AFF3: variants seen among roughly 807,000 people sequenced by gnomAD.
AFF3 encodes AF4/FMR2 family member 3.
AFF3 carries 32 observed loss-of-function variants against 129.7 expected under a neutral mutation model. The ratio of observed to expected loss-of-function variants is 0.25; its 90% CI spans 0.19 to 0.33. The LOEUF is 0.33. Ranked by LOEUF, AFF3 falls within the 10% of genes least tolerant of loss-of-function variation. The pLI is 1.00. For synonymous variants in AFF3, 644 were observed against 635.4 expected, an observed-to-expected ratio of 1.01 and a Z score of -0.20; for missense variants, 1,373 against 1,592.0, an observed-to-expected ratio of 0.86 and a Z score of 2.34.
At chr2:99,770,195 A>C (rs1340869548) in intron 8 of AFF3, among the ~76,000 whole-genome samples, 1 of 152,146 alleles carries the variant, frequency 6.6e-6, no homozygotes, top group Non-Finnish European at 1.5e-5. Flanking sequence ...CTCCAACTGT[A>C]AGCCACAGTC....
rs139966648 is a variant in AFF3, at chr2:100,057,681, T to G, written c.53+46721A>C. ...CCAATCTCTTGCTACTGGTTTAAACTCAATGCTACCTCCCCACAATCTCGT... is the reference window on the plus strand; with the variant it reads ...CCAATCTCTTGCTACTGGTTTAAACGCAATGCTACCTCCCCACAATCTCGT... On this transcript the variant is annotated intron_variant, in intron 4 of 24. Transcript: ENST00000672756. 1.9e-3 allele frequency among the ~76,000 whole-genome samples: 283 copies of G among 152,294 alleles called. 3 individuals are homozygous for G. The highest frequency in any genetic ancestry group is 6.4e-3 in the African/African-American group (265 of 41,554).
chr2:99,730,828 T>C (rs1309727626), intron 10 of AFF3, among the ~76,000 whole-genome samples: 8 of 152,060 alleles, frequency 5.3e-5, no homozygotes, highest in African/African-American at 1.9e-4. Flanking sequence ...CTGCCACATT[T>C]CTACACAGTT....
At chr2:99,632,619 C>A (rs1003981027) in intron 13 of AFF3, among the ~76,000 whole-genome samples, 1 of 152,062 alleles carries the variant, frequency 6.6e-6, no homozygotes, top group Non-Finnish European at 1.5e-5. Context: ...TTCTTAGGGG[C>A]CCAGCTCCTA....
chr2:99,587,367 C>T (rs1678224751), intron 15 of AFF3, 89 bp from the exon 16 acceptor site: 2 of 1,504,380 alleles, frequency 1.3e-6, no homozygotes, highest in Non-Finnish European at 1.8e-6. Context: ...AGCAAGGCCT[C>T]CTGGGAGCCC....
chr2:99,651,486 G>C (rs1359600101), intron 12 of AFF3, among the ~76,000 whole-genome samples: 3 of 151,878 alleles, frequency 2.0e-5, no homozygotes, highest in Non-Finnish European at 2.9e-5. Context: ...TTGTCACCCA[G>C]GCTGGAGTGT....
intron 8 of AFF3, among the ~76,000 whole-genome samples, chr2:99,774,639 T>G (rs1202795594): frequency 6.6e-6 from 1 of 151,520 alleles, no homozygotes; most frequent in Non-Finnish European, 1.5e-5. Context: ...CTAAAAAAGC[T>G]CTAGAAAAAA....
intron 7 of AFF3, among the ~76,000 whole-genome samples, chr2:99,873,357 A>G (rs1692026264): frequency 6.6e-6 from 1 of 152,204 alleles, no homozygotes; most frequent in Non-Finnish European, 1.5e-5. Context: ...CATTGTTTTT[A>G]CATCTATCTA....
intron 7 of AFF3, among the ~76,000 whole-genome samples, chr2:99,915,587 T>C (rs540728009): frequency 6.6e-6 from 1 of 152,306 alleles, no homozygotes; most frequent in South Asian, 2.1e-4. Context: ...GGCCTTGAGA[T>C]TGGTTTAATT....
chr2:99,934,111 G>A (rs548040145), intron 7 of AFF3, among the ~76,000 whole-genome samples: 1 of 152,314 alleles, frequency 6.6e-6, no homozygotes, highest in East Asian at 1.9e-4. Flanking sequence ...CACAGCAGGT[G>A]AGGAATAGAA....
chr2:99,833,231 T>C (rs1688633835), intron 8 of AFF3, among the ~76,000 whole-genome samples: 1 of 152,150 alleles, frequency 6.6e-6, no homozygotes, highest in Non-Finnish European at 1.5e-5. Context: ...CAACTGGAAA[T>C]CATCCCATCC....
At chr2:99,692,531 G>A (rs894575387) in intron 11 of AFF3, among the ~76,000 whole-genome samples, 7 of 152,234 alleles carry the variant, frequency 4.6e-5, no homozygotes, top group African/African-American at 1.4e-4. Context: ...AGTGGGGAGG[G>A]AGCAGTGAGC....
chr2:99,809,472 A>G (rs1025400779), intron 8 of AFF3, among the ~76,000 whole-genome samples: 1 of 152,230 alleles, frequency 6.6e-6, no homozygotes, highest in African/African-American at 2.4e-5. Context: ...ATTCAATAGA[A>G]GCAGAAAATA....
intron 20 of AFF3, among the ~76,000 whole-genome samples, chr2:99,561,765 C>T (rs902871346): frequency 6.6e-6 from 1 of 152,058 alleles, no homozygotes; most frequent in African/African-American, 2.4e-5. Context: ...TGTGTCTGTT[C>T]TTCCTTCTTT....
intron 11 of AFF3, among the ~76,000 whole-genome samples, chr2:99,725,117 C>A (rs1269841444): frequency 5.3e-5 from 8 of 151,956 alleles, no homozygotes; most frequent in Non-Finnish European, 1.2e-4. Context: ...ATTACAGGCA[C>A]GCGCCACCAT....
chr2:99,635,461 T>TTGTG (rs149975940), intron 13 of AFF3, among the ~76,000 whole-genome samples: 2 of 150,852 alleles, frequency 1.3e-5, no homozygotes, highest in South Asian at 2.1e-4. Context: ...CCATGCTAAT[T>TTGTG]TGTGTGTGTG....
chr2:99,787,319 C>G (rs948850112), intron 8 of AFF3, among the ~76,000 whole-genome samples: 6 of 152,054 alleles, frequency 3.9e-5, no homozygotes, highest in African/African-American at 1.4e-4. Flanking sequence ...AGAAAACAAG[C>G]AGAAATGGTC....
At chr2:99,640,141 G>A (rs1275379579) in intron 13 of AFF3, among the ~76,000 whole-genome samples, 1 of 152,176 alleles carries the variant, frequency 6.6e-6, no homozygotes, top group East Asian at 1.9e-4. Flanking sequence ...TCAAAATAGG[G>A]ATGGCGTGAG....
At chr2:99,946,240 A>T (rs537508516) in intron 7 of AFF3, among the ~76,000 whole-genome samples, 1 of 151,968 alleles carries the variant, frequency 6.6e-6, no homozygotes, top group Non-Finnish European at 1.5e-5. Context: ...TGGGAGGCTG[A>T]GGCAGGCGGG....
chr2:99,821,922 AG>A (rs1429829501), intron 8 of AFF3, among the ~76,000 whole-genome samples: 1 of 152,216 alleles, frequency 6.6e-6, no homozygotes, highest in Non-Finnish European at 1.5e-5. Context: ...AAAGGCAGCC[AG>A]GGCACAACCT....
Sources: gnomAD v4.1 joint callset for allele counts (sites outside exome capture counted in the v4.1 genomes callset) on GRCh38, gnomAD v4.1.1 for gene constraint, MANE v1.5 for transcripts, NCBI Gene and HGNC (gene_info 2026-07-23, HGNC 2026-07-21) for gene names.